The following KCNT2 variants were observed in gnomAD, a reference collection of about 807,000 sequenced individuals.
KCNT2 encodes potassium sodium-activated channel subfamily T member 2, also known as potassium channel subfamily T member 2.
In KCNT2, 67 loss-of-function variants were observed where a neutral mutation model predicts 153.8. The ratio of observed to expected loss-of-function variants is 0.44; its 90% CI spans 0.36 to 0.53. The LOEUF (loss-of-function observed/expected upper bound fraction) is 0.53. Ranked by LOEUF, KCNT2 falls within the 20% of genes least tolerant of loss-of-function variation. The probability of loss-of-function intolerance (pLI) is 0.00; values close to 1 mark genes in which losing one functional copy is unlikely to be tolerated. For missense variants in KCNT2, 975 were observed against 1,354.8 expected, an observed-to-expected ratio of 0.72 and a Z score of 4.40; for synonymous variants, 500 against 458.8, an observed-to-expected ratio of 1.09 and a Z score of -1.15.
chr1:196,521,748 AACACATGG>A (rs539981571), intron 1 of KCNT2, among the ~76,000 whole-genome samples: 18 of 152,110 alleles, frequency 1.2e-4, no homozygotes, highest in Non-Finnish European at 2.2e-4. Flanking sequence ...AAATGATGAG[AACACATGG>A]ACACAAAGAG....
intron 13 of KCNT2, among the ~76,000 whole-genome samples, chr1:196,397,846 A>T (rs567341565): frequency 5.0e-4 from 76 of 151,554 alleles, no homozygotes; most frequent in African/African-American, 1.8e-3. Context: ...TGGAGCTTTA[A>T]ACTTTTAAGA....
At chr1:196,344,972 G>A (rs999811025) in intron 14 of KCNT2, among the ~76,000 whole-genome samples, 31 of 151,622 alleles carry the variant, frequency 2.0e-4, no homozygotes, top group African/African-American at 6.8e-4. Context: ...TATTTTCATC[G>A]CATGTTATTT....
Position 196,226,336 on chromosome 1 carries a change from T to G in KCNT2, c.*1888A>C, listed in dbSNP as rs1030176150. The G allele has an allele frequency of 2.0e-5, 3 of 152,032 alleles. No individual in the cohort carries two copies. The highest frequency in any genetic ancestry group is 1.5e-5 in the Non-Finnish European group (1 of 67,884). 9.4% of individuals were successfully genotyped at this position (152,032 alleles called of 1,614,324 possible). A position where few individuals can be genotyped will look rare whatever the true frequency, so the allele number is the denominator to read the frequency against. On this transcript the variant is annotated 3_prime_UTR_variant, in exon 28 of 28. Coordinates refer to ENST00000294725, the MANE Select transcript of KCNT2 (RefSeq NM_198503.5). ...ACAAGTTCATAAAATTTATTGTTTT[T>G]CTCTGTTACATATATTAGTTCCATT... is the stretch of plus-strand genomic sequence containing the variant.
intron 23 of KCNT2, among the ~76,000 whole-genome samples, chr1:196,283,519 A>G (rs181643416): frequency 2.6e-5 from 4 of 152,334 alleles, no homozygotes; most frequent in African/African-American, 9.6e-5. Flanking sequence ...CTGGGGTGAC[A>G]GTGCATCTCT....
intron 25 of KCNT2, among the ~76,000 whole-genome samples, chr1:196,277,703 G>C (rs1658701317): frequency 6.6e-6 from 1 of 152,080 alleles, no homozygotes; most frequent in African/African-American, 2.4e-5. Flanking sequence ...TAAGAGAACA[G>C]GGCCATTTTG....
intron 22 of KCNT2, among the ~76,000 whole-genome samples, chr1:196,288,123 T>G (rs1571917139): frequency 7.1e-6 from 1 of 141,536 alleles, no homozygotes; most frequent in East Asian, 2.0e-4. Context: ...CTAGTGGAAG[T>G]AAAAAAAAAT....
At chr1:196,302,758 T>G (rs1357718531) in intron 22 of KCNT2, among the ~76,000 whole-genome samples, 1 of 151,934 alleles carries the variant, frequency 6.6e-6, no homozygotes, top group Non-Finnish European at 1.5e-5. Context: ...GGGCATGAGA[T>G]TCAACCCACG....
chr1:196,343,902 C>T (rs1288438585), intron 14 of KCNT2, among the ~76,000 whole-genome samples: 4 of 152,152 alleles, frequency 2.6e-5, no homozygotes, highest in African/African-American at 4.8e-5. Context: ...GTCTAACCTT[C>T]CCGAGTAGCT....
intron 1 of KCNT2, among the ~76,000 whole-genome samples, chr1:196,509,283 A>T (rs1426709789): frequency 6.6e-6 from 1 of 151,532 alleles, no homozygotes; most frequent in South Asian, 2.1e-4. Flanking sequence ...AAAAAAAAAA[A>T]GGTTCAAGGA....
chr1:196,371,721 T>C (rs1668555450), intron 14 of KCNT2, among the ~76,000 whole-genome samples: 1 of 152,138 alleles, frequency 6.6e-6, no homozygotes, highest in Non-Finnish European at 1.5e-5. Flanking sequence ...AAAATCTTTT[T>C]TTAACTTATG....
chr1:196,331,497 A>C (rs1174647955), intron 17 of KCNT2, among the ~76,000 whole-genome samples: 1 of 152,050 alleles, frequency 6.6e-6, no homozygotes, highest in Non-Finnish European at 1.5e-5. Context: ...GTTGGAAAAA[A>C]TCAAACTAGT....
At chr1:196,523,865 CCTA>C (rs1653824737) in intron 1 of KCNT2, among the ~76,000 whole-genome samples, 1 of 152,172 alleles carries the variant, frequency 6.6e-6, no homozygotes. Context: ...TTTTTCCTTA[CCTA>C]CTTTGTTTTG....
At chr1:196,513,547 G>GA (rs1457596272) in intron 1 of KCNT2, among the ~76,000 whole-genome samples, 4 of 152,138 alleles carry the variant, frequency 2.6e-5, no homozygotes, top group African/African-American at 9.7e-5. Flanking sequence ...TTTTCAACAA[G>GA]AATATTCATT....
At chr1:196,381,422 A>G (rs1669481494) in intron 13 of KCNT2, among the ~76,000 whole-genome samples, 1 of 151,960 alleles carries the variant, frequency 6.6e-6, no homozygotes, top group South Asian at 2.1e-4. Flanking sequence ...TTTAGTAATA[A>G]AATAATAATA....
chr1:196,520,457 G>A (rs1653215190), intron 1 of KCNT2, among the ~76,000 whole-genome samples: 1 of 151,816 alleles, frequency 6.6e-6, no homozygotes, highest in Admixed American at 6.6e-5. Context: ...CCTGGCCAGA[G>A]CAATCAGGCC....
At chr1:196,297,811 A>G (rs1370675500) in intron 22 of KCNT2, among the ~76,000 whole-genome samples, 1 of 152,180 alleles carries the variant, frequency 6.6e-6, no homozygotes, top group East Asian at 1.9e-4. Context: ...AGTTGTCTGG[A>G]CAGAAAAAAT....
At chr1:196,402,973 C>T (rs549392961) in intron 12 of KCNT2, among the ~76,000 whole-genome samples, 2 of 151,684 alleles carry the variant, frequency 1.3e-5, no homozygotes, top group Admixed American at 6.6e-5. Context: ...GGAGGGAATG[C>T]AAAATGATAC....
rs1020904016 is a variant in KCNT2 at position 196,402,402 on chromosome 1, C to T, written c.1186-3731G>A. 2.0e-5 allele frequency among the ~76,000 whole-genome samples: 3 copies of T among 151,244 alleles called. No homozygotes were observed. In the East Asian group the frequency reaches 5.8e-4, roughly 29 times the overall value. On this transcript the variant is annotated intron_variant, in intron 12 of 27. Coordinates refer to ENST00000294725, the MANE Select transcript of KCNT2 (RefSeq NM_198503.5). The stretch of plus-strand genomic sequence containing the variant: ...TATCTAACAACAATAACATAAGAGA[C>T]AGTAGAAAAGGAATAAATGCAAGTT...
intron 3 of KCNT2, among the ~76,000 whole-genome samples, chr1:196,485,925 T>TA (rs555555066): frequency 2.1e-3 from 311 of 151,592 alleles, no homozygotes; most frequent in Non-Finnish European, 3.6e-3. Context: ...ATCTCATTGA[T>TA]AAAAAAAACA....
Sources: gnomAD v4.1 joint callset for allele counts (sites outside exome capture counted in the v4.1 genomes callset) on GRCh38, gnomAD v4.1.1 for gene constraint, MANE v1.5 for transcripts, NCBI Gene and HGNC (gene_info 2026-07-23, HGNC 2026-07-21) for gene names.